MACROD2: variants seen among roughly 807,000 people sequenced by gnomAD.
MACROD2 encodes the protein mono-ADP ribosylhydrolase 2.
A neutral mutation model predicts 70.4 loss-of-function variants in MACROD2; 36 were observed. The ratio of observed to expected loss-of-function variants is 0.51; its 90% CI spans 0.39 to 0.68. The LOEUF (loss-of-function observed/expected upper bound fraction) is 0.68. Ranked by LOEUF, MACROD2 falls within the 30% of genes least tolerant of loss-of-function variation. The probability of loss-of-function intolerance (pLI) is 0.00; values close to 1 mark genes in which losing one functional copy is unlikely to be tolerated. For missense variants in MACROD2, 496 were observed against 538.4 expected, an observed-to-expected ratio of 0.92 and a Z score of 0.78; for synonymous variants, 172 against 178.8, an observed-to-expected ratio of 0.96 and a Z score of 0.30.
chr20:15,502,099 T>C (rs4813183), intron 8 of MACROD2, among the ~76,000 whole-genome samples: 23,714 of 152,190 alleles, frequency 0.16, 1,979 homozygotes, highest in East Asian at 0.24. Context: ...AAAAATTATG[T>C]TTGCTTAACA....
intron 5 of MACROD2, among the ~76,000 whole-genome samples, chr20:14,780,108 C>A (rs570319342): frequency 2.6e-5 from 4 of 152,072 alleles, no homozygotes; most frequent in African/African-American, 2.4e-5. Flanking sequence ...TGCCTATAGT[C>A]CCAGCAACTC....
At position 14,133,671 on chromosome 20, in the gene MACROD2, C is replaced by T. The variant is rs535820626; in HGVS notation, c.271+47943C>T. On this transcript the variant is annotated intron_variant, in intron 3 of 17. Transcript: ENST00000684519. ...AAAGTGAAGGAACAACTTATGTATA[C>T]CTTGATAAGCACATATCTAACTAAC... Among the ~76,000 whole-genome samples, 5 of 152,260 alleles carry T rather than the reference C, an allele frequency of 3.3e-5. No homozygotes were observed. The South Asian group carries it at 1.0e-3, about 32-fold the overall frequency.
chr20:15,082,523 G>GTT (rs753606217), intron 5 of MACROD2, among the ~76,000 whole-genome samples: 1,916 of 101,782 alleles, frequency 0.019, 11 homozygotes, highest in African/African-American at 0.044. Flanking sequence ...ACTGCAAGAG[G>GTT]TTTTTTTTTT....
At chr20:14,184,909 C>G (rs2081332871) in intron 3 of MACROD2, among the ~76,000 whole-genome samples, 1 of 152,082 alleles carries the variant, frequency 6.6e-6, no homozygotes, top group Admixed American at 6.6e-5. Flanking sequence ...TGTTTATAAG[C>G]TTAAGAAGCT....
At position 14,295,571 on chromosome 20, in the gene MACROD2, G is replaced by C. The variant is rs190448836; in HGVS notation, c.272-197908G>C. ...TCATTAGGAGGGGACTGTGTGGGGGGGCTGGGGGGAGTGGTAATACCTGGT... is the reference window on the plus strand; with the variant it reads ...TCATTAGGAGGGGACTGTGTGGGGGCGCTGGGGGGAGTGGTAATACCTGGT... On this transcript the variant is annotated intron_variant, in intron 3 of 17. Transcript: ENST00000684519. Among the ~76,000 whole-genome samples, 207 of 151,778 alleles carry C rather than the reference G, an allele frequency of 1.4e-3. 1 individual carries two copies. Among genetic ancestry groups the C allele is most frequent in the African/African-American group, 3.4e-3 (140 of 41,206 alleles).
chr20:15,524,637 C>T (rs1485401715), intron 8 of MACROD2, among the ~76,000 whole-genome samples: 1 of 152,096 alleles, frequency 6.6e-6, no homozygotes, highest in African/African-American at 2.4e-5. Flanking sequence ...AAGGAGCTAT[C>T]ACCTATAGGA....
intron 4 of MACROD2, among the ~76,000 whole-genome samples, chr20:14,568,984 A>C (rs374798068): frequency 6.6e-6 from 1 of 151,974 alleles, no homozygotes; most frequent in South Asian, 2.1e-4. Context: ...TTCTCTTTCC[A>C]ACTCAATCTA....
At chr20:15,519,704 G>C (rs1454724082) in intron 8 of MACROD2, among the ~76,000 whole-genome samples, 2 of 152,200 alleles carry the variant, frequency 1.3e-5, no homozygotes, top group African/African-American at 4.8e-5. Context: ...AAAGTGCGAA[G>C]TGACCTCAGT....
intron 2 of MACROD2, among the ~76,000 whole-genome samples, chr20:14,042,649 G>T (rs2053408833): frequency 6.6e-6 from 1 of 152,166 alleles, no homozygotes; most frequent in African/African-American, 2.4e-5. Flanking sequence ...ACAAGTACGT[G>T]CCATCATGTC....
chr20:14,813,265 GTTTAACTGCACCTA>G (rs1216540821), intron 5 of MACROD2, among the ~76,000 whole-genome samples: 4 of 151,782 alleles, frequency 2.6e-5, no homozygotes, highest in African/African-American at 4.8e-5. Context: ...GGGCCATGGT[GTTTAACTGCACCTA>G]TCAACCCATC....
chr20:15,437,994 T>C (rs116661717), intron 7 of MACROD2, among the ~76,000 whole-genome samples: 2,139 of 152,152 alleles, frequency 0.014, 58 homozygotes, highest in African/African-American at 0.05. Context: ...TGGAACGTTT[T>C]ATATTCCAAC....
chr20:14,597,890 T>C (rs1982245890), intron 4 of MACROD2, among the ~76,000 whole-genome samples: 1 of 152,182 alleles, frequency 6.6e-6, no homozygotes, highest in South Asian at 2.1e-4. Context: ...ATTTATACTT[T>C]GGTGCTGTTG....
At chr20:15,650,872 A>G (rs986226425) in intron 8 of MACROD2, among the ~76,000 whole-genome samples, 1 of 152,132 alleles carries the variant, frequency 6.6e-6, no homozygotes, top group Non-Finnish European at 1.5e-5. Context: ...AAAACTCTAC[A>G]TTATTGACCA....
At chr20:14,514,305 G>A (rs540747447) in intron 4 of MACROD2, among the ~76,000 whole-genome samples, 73 of 152,150 alleles carry the variant, frequency 4.8e-4, no homozygotes, top group Admixed American at 1.1e-3. Flanking sequence ...TTGCATCTAA[G>A]TGGAGGCTTG....
chr20:14,163,148 A>G (rs574371339), intron 3 of MACROD2, among the ~76,000 whole-genome samples: 2 of 152,040 alleles, frequency 1.3e-5, no homozygotes, highest in Non-Finnish European at 2.9e-5. Flanking sequence ...GTGATGATGA[A>G]TTTTCTCAGC....
At chr20:15,195,497 T>C (rs905308533) in intron 5 of MACROD2, among the ~76,000 whole-genome samples, 6 of 152,122 alleles carry the variant, frequency 3.9e-5, no homozygotes, top group African/African-American at 2.4e-5. Flanking sequence ...ACATGACTGG[T>C]CATTAGAAAA....
intron 5 of MACROD2, among the ~76,000 whole-genome samples, chr20:14,712,731 A>G (rs1056871312): frequency 6.6e-6 from 1 of 152,164 alleles, no homozygotes; most frequent in Non-Finnish European, 1.5e-5. Context: ...GTATCTCCTA[A>G]TCTCTCAACT....
chr20:15,571,310 G>T (rs1304653902), intron 8 of MACROD2, among the ~76,000 whole-genome samples: 1 of 152,044 alleles, frequency 6.6e-6, no homozygotes, highest in South Asian at 2.1e-4. Flanking sequence ...AGACAGAAAT[G>T]ATTATTTTCC....
intron 3 of MACROD2, among the ~76,000 whole-genome samples, chr20:14,425,122 C>T (rs2083919247): frequency 6.6e-6 from 1 of 152,206 alleles, no homozygotes; most frequent in Admixed American, 6.5e-5. Context: ...TCAACGCCCT[C>T]TTTTTCATTT....
Sources: allele counts gnomAD v4.1 joint callset (sites outside exome capture counted in the v4.1 genomes callset), GRCh38; gene constraint gnomAD v4.1.1; transcripts MANE v1.5; gene names NCBI Gene and HGNC (gene_info 2026-07-23, HGNC 2026-07-21).